FHIT: variants seen among roughly 807,000 people sequenced by gnomAD.
FHIT encodes fragile histidine triad diadenosine triphosphatase, also known as bis(5'-adenosyl)-triphosphatase.
In FHIT, 19 loss-of-function variants were observed where a neutral mutation model predicts 17.9. The observed-to-expected ratio is 1.06, with a 90% CI of 0.74 to 1.56. The LOEUF (loss-of-function observed/expected upper bound fraction) is 1.56. FHIT is among the 40% of genes most tolerant of loss of function. FHIT has a pLI of 0.00. For missense variants in FHIT, 248 were observed against 189.2 expected (o/e 1.31, Z -1.82); for synonymous variants, 81 against 69.7 (o/e 1.16, Z -0.81).
chr3:60,443,919 G>C (rs1481424446), intron 5 of FHIT, among the ~76,000 whole-genome samples: 2 of 152,014 alleles, frequency 1.3e-5, no homozygotes, highest in Non-Finnish European at 2.9e-5. Flanking sequence ...TACAGAATGG[G>C]AGAAAATTTT....
At chr3:60,618,739 G>C (rs781818292) in intron 4 of FHIT, among the ~76,000 whole-genome samples, 22 of 152,294 alleles carry the variant, frequency 1.4e-4, no homozygotes, top group Non-Finnish European at 2.1e-4. Context: ...AGATGACCTT[G>C]AATCATCTGA....
chr3:61,026,182 G>A (rs2032721564), intron 3 of FHIT, among the ~76,000 whole-genome samples: 1 of 152,100 alleles, frequency 6.6e-6, no homozygotes. Context: ...TCAAGAAGAA[G>A]AATGAAGAGT....
At chr3:60,580,643 T>A (rs184540642) in intron 4 of FHIT, among the ~76,000 whole-genome samples, 180 of 152,230 alleles carry the variant, frequency 1.2e-3, no homozygotes, top group Non-Finnish European at 2.0e-3. Flanking sequence ...ATGTACAGCA[T>A]CACTGAACTG....
chr3:60,334,204 T>C (rs1710125647), intron 5 of FHIT, among the ~76,000 whole-genome samples: 1 of 152,212 alleles, frequency 6.6e-6, no homozygotes, highest in South Asian at 2.1e-4. Flanking sequence ...AATAATTGTA[T>C]AGTTATATGC....
intron 4 of FHIT, among the ~76,000 whole-genome samples, chr3:60,663,530 G>A (rs1332781642): frequency 1.3e-5 from 2 of 151,946 alleles, no homozygotes; most frequent in East Asian, 3.9e-4. Flanking sequence ...CCATCTCCTA[G>A]GTTCAAGTGA....
intron 3 of FHIT, among the ~76,000 whole-genome samples, chr3:61,028,655 A>C (rs1308134121): frequency 6.6e-6 from 1 of 152,214 alleles, no homozygotes; most frequent in African/African-American, 2.4e-5. Flanking sequence ...AAAAAGGAGA[A>C]TAGTAACTCC....
intron 3 of FHIT, among the ~76,000 whole-genome samples, chr3:60,858,638 G>T (rs546635511): frequency 1.2e-3 from 181 of 152,198 alleles, no homozygotes; most frequent in African/African-American, 4.3e-3. Flanking sequence ...GGAAGTTTTG[G>T]TAAGTGCCTT....
intron 5 of FHIT, among the ~76,000 whole-genome samples, chr3:60,297,071 A>G (rs577672984): frequency 6.6e-6 from 1 of 152,100 alleles, no homozygotes; most frequent in Admixed American, 6.6e-5. Flanking sequence ...AAACTGGATG[A>G]TAGACTAATT....
chr3:60,062,583 G>C (rs1424836915), intron 5 of FHIT, among the ~76,000 whole-genome samples: 1 of 152,114 alleles, frequency 6.6e-6, no homozygotes, highest in African/African-American at 2.4e-5. Context: ...CAAAGATCAC[G>C]ATCTTTCTTC....
intron 5 of FHIT, among the ~76,000 whole-genome samples, chr3:60,072,144 T>C (rs1350524936): frequency 1.3e-5 from 2 of 152,196 alleles, no homozygotes; most frequent in African/African-American, 2.4e-5. Context: ...ACCAAGAGTG[T>C]TACCAAGCCT....
chr3:59,985,775 C>T (rs1206609984), intron 7 of FHIT, among the ~76,000 whole-genome samples: 1 of 152,086 alleles, frequency 6.6e-6, no homozygotes, highest in African/African-American at 2.4e-5. Context: ...TAATTGATCA[C>T]CTCTCACTTT....
At chr3:60,715,119 G>A (rs1203036225) in intron 4 of FHIT, among the ~76,000 whole-genome samples, 1 of 152,016 alleles carries the variant, frequency 6.6e-6, no homozygotes, top group African/African-American at 2.4e-5. Context: ...AGAGCCCTCA[G>A]AAATAATGCC....
intron 2 of FHIT, among the ~76,000 whole-genome samples, chr3:61,161,871 T>C (rs1341875884): frequency 6.6e-6 from 1 of 152,230 alleles, no homozygotes; most frequent in African/African-American, 2.4e-5. Flanking sequence ...AAAAGTGCCA[T>C]TCTAATTCTG....
At chr3:60,135,270 C>A (rs1699768671) in intron 5 of FHIT, among the ~76,000 whole-genome samples, 1 of 152,058 alleles carries the variant, frequency 6.6e-6, no homozygotes, top group African/African-American at 2.4e-5. Flanking sequence ...AGCGTCACGT[C>A]CTTAAAATGC....
intron 4 of FHIT, among the ~76,000 whole-genome samples, chr3:60,547,550 A>G (rs2036408229): frequency 6.6e-6 from 1 of 152,092 alleles, no homozygotes; most frequent in Non-Finnish European, 1.5e-5. Flanking sequence ...TGATTTCAAC[A>G]TTCTTAAATG....
In FHIT at chr3:60,608,815, A is replaced by G. The variant is rs1198230131; in HGVS notation, c.-17-71836T>C. Among the ~76,000 whole-genome samples the G allele has an allele frequency of 2.0e-5, 3 of 152,234 alleles. No homozygotes were observed. The East Asian group carries it at 5.8e-4, about 29-fold the overall frequency. ...ATGTAAAGAGAGAGACCTAGTCATT[A>G]TCAGGAAATAACTATCTTGAATTAG... On this transcript the variant is annotated intron_variant, in intron 4 of 9. Transcript: ENST00000492590.
intron 5 of FHIT, among the ~76,000 whole-genome samples, chr3:60,499,383 T>G (rs2107519686): frequency 6.6e-6 from 1 of 152,234 alleles, no homozygotes; most frequent in African/African-American, 2.4e-5. Flanking sequence ...CTCACCATGC[T>G]TCACCCCCAC....
At position 60,063,055 on chromosome 3, in the gene FHIT, C is replaced by CTGCA. The variant is rs1473315345; in HGVS notation, c.104-48904_104-48903insTGCA. On this transcript the variant is annotated intron_variant, in intron 5 of 9. Transcript: ENST00000492590. Reference sequence around the variant, plus strand: ...ATTAAAATAATGCCTGGGGAGAAGACTGTTACAGATACATGCAAACAAATT... The same window carrying CTGCA: ...ATTAAAATAATGCCTGGGGAGAAGACTGCATGTTACAGATACATGCAAACAAATT... Among the ~76,000 whole-genome samples, 11 of 152,154 alleles carry CTGCA rather than the reference C, an allele frequency of 7.2e-5. No homozygotes were observed. The East Asian group carries it at 2.1e-3, about 29-fold the overall frequency.
chr3:60,250,741 A>G (rs1035746757), intron 5 of FHIT, among the ~76,000 whole-genome samples: 1 of 151,846 alleles, frequency 6.6e-6, no homozygotes, highest in Admixed American at 6.6e-5. Context: ...ATTACCCACT[A>G]CTCCAAAGTA....
Sources: gnomAD v4.1 joint callset for allele counts (sites outside exome capture counted in the v4.1 genomes callset) on GRCh38, gnomAD v4.1.1 for gene constraint, MANE v1.5 for transcripts, NCBI Gene and HGNC (gene_info 2026-07-23, HGNC 2026-07-21) for gene names.